Variants in RAB11FIP4 observed in about 807,000 individuals in gnomAD.
RAB11FIP4 encodes rab11 family-interacting protein 4.
Under a neutral mutation model 74.3 loss-of-function variants are expected in RAB11FIP4, and 23 were observed. The ratio of observed to expected loss-of-function variants is 0.31; its 90% CI spans 0.22 to 0.44. The LOEUF (loss-of-function observed/expected upper bound fraction) is 0.44, where lower values mean the gene tolerates loss of function less well. Among genes scored for constraint, RAB11FIP4 ranks in the 20% least tolerant of loss-of-function variants. RAB11FIP4 has a pLI of 1.00. For synonymous variants in RAB11FIP4, 360 were observed against 359.9 expected (o/e 1.00, Z 0.00); for missense variants, 630 against 863.9 (o/e 0.73, Z 3.39).
intron 3 of RAB11FIP4, among the ~76,000 whole-genome samples, chr17:31,477,231 T>C (rs1427506327): frequency 6.6e-6 from 1 of 152,228 alleles, no homozygotes; most frequent in African/African-American, 2.4e-5. Flanking sequence ...GTCGTCATCG[T>C]CCACTGTCAT....
chr17:31,505,439 T>TATATTAATATATAATTATTATATA (rs1567680951), intron 3 of RAB11FIP4, among the ~76,000 whole-genome samples: 2 of 91,284 alleles, frequency 2.2e-5, no homozygotes, highest in Non-Finnish European at 4.0e-5. Flanking sequence ...ATAATTATTA[T>TATATTAATATATAATTATTATATA]ATAATATATA....
intron 3 of RAB11FIP4, among the ~76,000 whole-genome samples, chr17:31,471,230 T>C (rs1024477744): frequency 2.1e-5 from 2 of 96,702 alleles, no homozygotes; most frequent in African/African-American, 7.0e-5. Flanking sequence ...GCCCAGCTAA[T>C]TTTTTTTTTT....
chr17:31,488,235 GC>G (rs1170875855), intron 3 of RAB11FIP4: 1 of 1,152,354 alleles, frequency 8.7e-7, no homozygotes. Context: ...CCGGGGAGCG[GC>G]CCGCGGATGC....
At chr17:31,493,039 C>T (rs1326916957) in intron 3 of RAB11FIP4, among the ~76,000 whole-genome samples, 4 of 151,990 alleles carry the variant, frequency 2.6e-5, no homozygotes, top group African/African-American at 4.8e-5. Flanking sequence ...GCTGTGATGG[C>T]CCAGAGCTGT....
At chr17:31,506,589 T>C (rs2072354103) in intron 3 of RAB11FIP4, among the ~76,000 whole-genome samples, 1 of 152,216 alleles carries the variant, frequency 6.6e-6, no homozygotes, top group African/African-American at 2.4e-5. Flanking sequence ...TACTTTCTAC[T>C]TCTATGGGAT....
At chr17:31,467,730 C>T (rs1006354188) in intron 3 of RAB11FIP4, among the ~76,000 whole-genome samples, 8 of 152,326 alleles carry the variant, frequency 5.3e-5, no homozygotes, top group African/African-American at 1.9e-4. Flanking sequence ...TGCCCCACTC[C>T]TGCCACCCAC....
chr17:31,397,774 A>G, intron 1 of RAB11FIP4, among the ~76,000 whole-genome samples: 1 of 149,914 alleles, frequency 6.7e-6, no homozygotes, highest in East Asian at 2.0e-4. Context: ...TAGCTGGGGC[A>G]CCCTCTGGCC....
intron 3 of RAB11FIP4, among the ~76,000 whole-genome samples, chr17:31,465,184 C>T (rs1310146707): frequency 2.0e-5 from 3 of 152,078 alleles, no homozygotes; most frequent in Non-Finnish European, 4.4e-5. Context: ...TGAGGCCAGA[C>T]TAGAACCTGG....
intron 3 of RAB11FIP4, chr17:31,465,616 G>T (rs978090694): frequency 4.6e-5 from 7 of 151,456 alleles, no homozygotes; most frequent in African/African-American, 9.7e-5. Flanking sequence ...AGGAGCTCTG[G>T]GCTGTGATGC....
intron 3 of RAB11FIP4, among the ~76,000 whole-genome samples, chr17:31,456,860 G>A (rs2071583400): frequency 6.6e-6 from 1 of 152,092 alleles, no homozygotes; most frequent in African/African-American, 2.4e-5. Context: ...GGGTGGTGGG[G>A]AGGGGACTAT....
chr17:31,445,537 T>C (rs1338064099), intron 3 of RAB11FIP4, among the ~76,000 whole-genome samples: 154 of 11,432 alleles, frequency 0.013, 1 homozygote, highest in African/African-American at 0.06. Flanking sequence ...CAATTTTATA[T>C]ATATATATAT....
At chr17:31,396,183 C>CAAAAAA (rs55991343) in intron 1 of RAB11FIP4, among the ~76,000 whole-genome samples, 230 of 122,482 alleles carry the variant, frequency 1.9e-3, no homozygotes, top group African/African-American at 7.2e-3. Flanking sequence ...GACCCTGCCA[C>CAAAAAA]AAAAAAAAAA....
At chr17:31,420,932 A>G (rs1164121848) in intron 1 of RAB11FIP4, among the ~76,000 whole-genome samples, 1 of 152,032 alleles carries the variant, frequency 6.6e-6, no homozygotes, top group African/African-American at 2.4e-5. Flanking sequence ...AAAAAATACA[A>G]AATTAGCCAG....
chr17:31,436,160 C>A (rs949051536), intron 3 of RAB11FIP4, among the ~76,000 whole-genome samples: 8 of 152,274 alleles, frequency 5.3e-5, no homozygotes, highest in East Asian at 3.9e-4. Flanking sequence ...GGCCATGGAA[C>A]CTGAGCACGT....
intron 3 of RAB11FIP4, chr17:31,509,020 A>G (rs1223536565): frequency 6.6e-6 from 1 of 152,618 alleles, no homozygotes; most frequent in Non-Finnish European, 1.5e-5. Context: ...TGCTTTATGT[A>G]AATGTCATGA....
chr17:31,429,828 CAAAAAAAAAA>C (rs751342010), intron 1 of RAB11FIP4, among the ~76,000 whole-genome samples: 6 of 80,316 alleles, frequency 7.5e-5, no homozygotes, highest in South Asian at 4.8e-4. Context: ...GATTCCATCT[CAAAAAAAAAA>C]AAAAAAAAAA....
At chr17:31,530,563 A>C in intron 14 of RAB11FIP4, 94 bp downstream of exon 14, 1 of 1,490,418 alleles carries the variant, frequency 6.7e-7, no homozygotes, top group Non-Finnish European at 9.1e-7. Context: ...AAACCAGACC[A>C]GGGCCTGGCA....
intron 3 of RAB11FIP4, among the ~76,000 whole-genome samples, chr17:31,492,962 GGGA>G (rs1438094356): frequency 6.6e-6 from 1 of 152,134 alleles, no homozygotes; most frequent in East Asian, 1.9e-4. Flanking sequence ...AGATGAGACG[GGGA>G]GGAGAACATA....
chr17:31,453,284 G>A (rs1194835613), intron 3 of RAB11FIP4, among the ~76,000 whole-genome samples: 1 of 148,540 alleles, frequency 6.7e-6, no homozygotes, highest in African/African-American at 2.5e-5. Flanking sequence ...CTAGGAGGTT[G>A]AGGCTGCAGT....
Sources: allele counts gnomAD v4.1 joint callset (sites outside exome capture counted in the v4.1 genomes callset), GRCh38; gene constraint gnomAD v4.1.1; transcripts MANE v1.5; gene names NCBI Gene and HGNC (gene_info 2026-07-23, HGNC 2026-07-21).